Variants in NRROS observed in about 807,000 individuals in gnomAD.
The protein encoded by NRROS is transforming growth factor beta activator LRRC33.
NRROS carries 6 observed loss-of-function variants against 12.0 expected under a neutral mutation model. The ratio of observed to expected loss-of-function variants is 0.50; its 90% CI spans 0.27 to 0.98. The LOEUF (loss-of-function observed/expected upper bound fraction) is 0.98, where lower values mean the gene tolerates loss of function less well. Among genes scored for constraint, NRROS ranks in the 50% least tolerant of loss-of-function variants. The probability of loss-of-function intolerance (pLI) is 0.11; values close to 1 mark genes in which losing one functional copy is unlikely to be tolerated. For missense variants in NRROS, 857 were observed against 888.2 expected (o/e 0.96, Z 0.45); for synonymous variants, 462 against 410.2 (o/e 1.13, Z -1.53).
At chr3:196,646,672 C>T (rs914503949) in intron 1 of NRROS, among the ~76,000 whole-genome samples, 3 of 152,266 alleles carry the variant, frequency 2.0e-5, no homozygotes, top group East Asian at 1.9e-4. Context: ...TGTCTGGAGT[C>T]GCTGTGGGAA....
intron 1 of NRROS, among the ~76,000 whole-genome samples, chr3:196,645,443 T>C (rs1271536519): frequency 6.6e-6 from 1 of 152,170 alleles, no homozygotes; most frequent in Non-Finnish European, 1.5e-5. Context: ...TGAGCCGCCA[T>C]TGACCAAGTG....
chr3:196,649,725 C>G (rs571955834), intron 1 of NRROS, among the ~76,000 whole-genome samples: 176 of 152,350 alleles, frequency 1.2e-3, no homozygotes, highest in African/African-American at 4.0e-3. Flanking sequence ...CCGCCTCGGC[C>G]TCCCAAAGTG....
At chr3:196,658,953 G>A (rs1348499620) in intron 2 of NRROS, among the ~76,000 whole-genome samples, 1 of 152,164 alleles carries the variant, frequency 6.6e-6, no homozygotes, top group South Asian at 2.1e-4. Context: ...CTGGGTGACA[G>A]GGTAAGACTT....
chr3:196,658,843 G>GCT (rs1560055693), intron 2 of NRROS, among the ~76,000 whole-genome samples: 1 of 152,120 alleles, frequency 6.6e-6, no homozygotes, highest in Non-Finnish European at 1.5e-5. Context: ...GGTGGCATGT[G>GCT]CCTGTAATCC....
intron 1 of NRROS, among the ~76,000 whole-genome samples, chr3:196,645,209 A>G (rs1200653611): frequency 2.0e-5 from 3 of 152,232 alleles, no homozygotes; most frequent in African/African-American, 7.2e-5. Flanking sequence ...TGATACCAGC[A>G]CTGAGCCTGC....
intron 2 of NRROS, among the ~76,000 whole-genome samples, chr3:196,657,459 C>T (rs1737562704): frequency 6.6e-6 from 1 of 152,086 alleles, no homozygotes; most frequent in South Asian, 2.1e-4. Context: ...CGGTGGCTCA[C>T]ACCTGTAATC....
chr3:196,647,579 GAC>G (rs780998949), intron 1 of NRROS, among the ~76,000 whole-genome samples: 8 of 152,134 alleles, frequency 5.3e-5, no homozygotes, highest in Non-Finnish European at 8.8e-5. Context: ...TATTTTTTGA[GAC>G]AGAGTCCCAC....
Position 196,639,749 on chromosome 3 carries a change from C to G in NRROS, c.-140C>G, listed in dbSNP as rs1737171736. The G allele has an allele frequency of 6.6e-6, 1 of 152,572 alleles. No homozygotes were observed. The highest frequency in any genetic ancestry group is 2.4e-5 in the African/African-American group (1 of 41,472). 9.5% of individuals were successfully genotyped at this position (152,572 alleles called of 1,614,324 possible). ...CTTCAGTTTCCGTCCGTTCCTTCCG[C>G]TGGTGCTAAAATAATCTGATGCCCC... On this transcript the variant is annotated 5_prime_UTR_variant, in exon 1 of 3. Coordinates refer to ENST00000328557, the MANE Select transcript of NRROS (RefSeq NM_198565.3).
rs1185159539 is a variant in NRROS at position 196,658,274 on chromosome 3, C to T, written c.109-1478C>T. ...TATGGTCTTATTTTTGTTTTTTAGA[C>T]AAAGGTAGGTAATATCTTACGAAAG... On this transcript the variant is annotated intron_variant, in intron 2 of 2. Transcript: ENST00000328557. Among the ~76,000 whole-genome samples, 4 of 152,066 alleles carry T rather than the reference C, an allele frequency of 2.6e-5. No homozygotes were observed. The East Asian group carries it at 7.7e-4, about 29-fold the overall frequency.
Position 196,654,917 on chromosome 3 carries a change from C to A in NRROS, c.108+270C>A. The A allele has an allele frequency of 2.7e-6, 1 of 368,852 alleles. No individual in the cohort carries two copies. The highest frequency in any genetic ancestry group is 2.1e-5 in the African/African-American group (1 of 47,386). The allele number at this position is 368,852 out of a possible 1,614,324, so 22.8% of individuals were successfully genotyped here. On this transcript the variant is annotated intron_variant, in intron 2 of 2. Coordinates refer to ENST00000328557, the MANE Select transcript of NRROS (RefSeq NM_198565.3). This position sits in a 1 kb window ranked among gnomAD's most constrained non-coding sequence, Gnocchi z 4.4. ...CCGAGACCAGCCTAGGGCATCCTCC[C>A]GGAACAAGAACAACTTGTTAAAAAT...
At chr3:196,643,259 G>A (rs1166251166) in intron 1 of NRROS, among the ~76,000 whole-genome samples, 1 of 152,216 alleles carries the variant, frequency 6.6e-6, no homozygotes, top group African/African-American at 2.4e-5. Flanking sequence ...AGCGAACGGA[G>A]TCAGGTGCTG....
chr3:196,644,398 CAAA>C (rs35853147), intron 1 of NRROS, among the ~76,000 whole-genome samples: 6 of 87,498 alleles, frequency 6.9e-5, no homozygotes, highest in African/African-American at 5.0e-5. Flanking sequence ...GACCCCGTCT[CAAA>C]AAAAAAAAAA....
At chr3:196,646,725 C>T (rs1048558470) in intron 1 of NRROS, among the ~76,000 whole-genome samples, 11 of 152,322 alleles carry the variant, frequency 7.2e-5, no homozygotes, top group South Asian at 6.2e-4. Flanking sequence ...TGAATCCCCC[C>T]CCGATGGAGG....
intron 1 of NRROS, among the ~76,000 whole-genome samples, chr3:196,649,715 C>A (rs1737383297): frequency 6.6e-6 from 1 of 152,202 alleles, no homozygotes; most frequent in Non-Finnish European, 1.5e-5. Flanking sequence ...TCGTGATCAC[C>A]CGCCTCGGCC....
Position 196,654,579 on chromosome 3 carries a change from T to C in NRROS, c.40T>C (p.Phe14Leu). 1 of 1,614,134 alleles carries C rather than the reference T, an allele frequency of 6.2e-7. No individual in the cohort carries two copies. Among genetic ancestry groups the C allele is most frequent in the South Asian group, 1.1e-5 (1 of 91,086 alleles). Residue 14 changes from phenylalanine (F) to leucine (L), a missense_variant, in exon 2 of 3, where the codon TTC becomes CTC. Phe to Leu is a conservative substitution (Grantham distance 22, BLOSUM62 0). Coordinates refer to ENST00000328557, the MANE Select transcript of NRROS (RefSeq NM_198565.3). This position sits in a 1 kb window ranked among gnomAD's most constrained non-coding sequence, Gnocchi z 4.4. The part of the protein sequence containing the change: ...LPLWLCLGFH[F>L]LTVGWRNRSG... ...TCTTTGGCTCTGCCTGGGTTTTCAC[T>C]TCCTGACCGTGGGCTGGAGGAACAG... is the stretch of plus-strand genomic sequence containing the variant.
intron 1 of NRROS, among the ~76,000 whole-genome samples, chr3:196,652,406 A>G (rs1488176212): frequency 6.6e-6 from 1 of 152,034 alleles, no homozygotes; most frequent in Admixed American, 6.6e-5. Context: ...TTCTCATGCA[A>G]CTCTGGAATA....
At chr3:196,641,006 G>C (rs757929227) in intron 1 of NRROS, among the ~76,000 whole-genome samples, 1 of 152,024 alleles carries the variant, frequency 6.6e-6, no homozygotes, top group African/African-American at 2.4e-5. Flanking sequence ...GGGTTTGCTG[G>C]GCTTTACATT....
intron 1 of NRROS, among the ~76,000 whole-genome samples, chr3:196,650,222 A>G (rs543524207): frequency 1.3e-5 from 2 of 152,156 alleles, no homozygotes; most frequent in Non-Finnish European, 2.9e-5. Flanking sequence ...ATCTCTGCTC[A>G]CTGCAGCCTC....
At position 196,661,187 on chromosome 3, in the gene NRROS, T is replaced by C; in HGVS notation, c.1544T>C (p.Val515Ala). The C allele has an allele frequency of 6.2e-7, 1 of 1,613,412 alleles. No homozygotes were observed. The highest frequency in any genetic ancestry group is 8.5e-7 in the Non-Finnish European group (1 of 1,179,702). The part of the protein sequence containing the change: ...PLQDVAPMLQ[V>A]LSLRNMGLHS... ...CAGGATGTTGCCCCCATGTTACAGGTCCTGTCTCTCAGGAACATGGGCCTC... is the reference window on the plus strand; with the variant it reads ...CAGGATGTTGCCCCCATGTTACAGGCCCTGTCTCTCAGGAACATGGGCCTC... Residue 515 changes from valine (V) to alanine (A), a missense_variant, in exon 3 of 3, where the codon GTC becomes GCC. By Grantham distance (64) the Val-to-Ala change is moderately conservative (BLOSUM62 0). Coordinates refer to ENST00000328557, the MANE Select transcript of NRROS (RefSeq NM_198565.3).
Sources: allele counts gnomAD v4.1 joint callset (sites outside exome capture counted in the v4.1 genomes callset), GRCh38; gene constraint gnomAD v4.1.1; non-coding constraint Gnocchi (gnomAD v3.1); transcripts MANE v1.5; gene names NCBI Gene and HGNC (gene_info 2026-07-23, HGNC 2026-07-21).